GALNT17: variants seen among roughly 807,000 people sequenced by gnomAD.
The protein encoded by GALNT17 is polypeptide N-acetylgalactosaminyltransferase 17, also known as UDP-GalNAc:polypeptide N-acetylgalactosaminyltransferase-like 3.
GALNT17 carries 29 observed loss-of-function variants against 63.7 expected under a neutral mutation model. The ratio of observed to expected loss-of-function variants is 0.46; its 90% CI spans 0.34 to 0.62. The LOEUF (loss-of-function observed/expected upper bound fraction) is 0.62, where lower values mean the gene tolerates loss of function less well. GALNT17 is among the 20% of genes least tolerant of loss of function. The pLI is 0.01. For missense variants in GALNT17, 603 were observed against 799.6 expected, an observed-to-expected ratio of 0.75 and a Z score of 2.97; for synonymous variants, 305 against 318.3, an observed-to-expected ratio of 0.96 and a Z score of 0.45.
At chr7:71,548,280 G>A (rs1329601707) in intron 5 of GALNT17, among the ~76,000 whole-genome samples, 2 of 151,146 alleles carry the variant, frequency 1.3e-5, no homozygotes, top group African/African-American at 4.9e-5. Flanking sequence ...TGGGTGCTTT[G>A]TTCATCTCTT....
intron 1 of GALNT17, among the ~76,000 whole-genome samples, chr7:71,170,870 C>T (rs75893614): frequency 0.048 from 7,292 of 152,166 alleles, 252 homozygotes; most frequent in Non-Finnish European, 0.071. Context: ...AAACAAATGC[C>T]ATTTTACTTT....
At chr7:71,539,707 C>CTTTTTTTTTTTTTTTT (rs71089953) in intron 5 of GALNT17, among the ~76,000 whole-genome samples, 3 of 71,442 alleles carry the variant, frequency 4.2e-5, no homozygotes, top group African/African-American at 1.2e-4. Flanking sequence ...TTAGTCCCAC[C>CTTTTTTTTTTTTTTTT]TTTTTTTTTT....
intron 1 of GALNT17, among the ~76,000 whole-genome samples, chr7:71,192,704 A>C (rs560866869): frequency 6.6e-6 from 1 of 152,194 alleles, no homozygotes; most frequent in African/African-American, 2.4e-5. Context: ...CCCTATATTT[A>C]ACTCTTAACT....
At chr7:71,149,793 C>G (rs537676720) in intron 1 of GALNT17, among the ~76,000 whole-genome samples, 82 of 152,344 alleles carry the variant, frequency 5.4e-4, no homozygotes, top group African/African-American at 1.9e-3. Flanking sequence ...CAGCAAGCCT[C>G]AGGCAAGTTT....
At chr7:71,551,935 T>G (rs1460943959) in intron 5 of GALNT17, among the ~76,000 whole-genome samples, 1 of 152,134 alleles carries the variant, frequency 6.6e-6, no homozygotes, top group East Asian at 1.9e-4. Context: ...GGTGTGAGAT[T>G]TTCTGGGCTT....
At chr7:71,377,085 C>CAAAAAAAAAA (rs34111153) in intron 2 of GALNT17, among the ~76,000 whole-genome samples, 5 of 18,546 alleles carry the variant, frequency 2.7e-4, no homozygotes, top group Non-Finnish European at 4.8e-4. Context: ...TATTCCATCT[C>CAAAAAAAAAA]AAAAAAAAAA....
chr7:71,281,508 T>G (rs1790776170), intron 1 of GALNT17, among the ~76,000 whole-genome samples: 1 of 152,240 alleles, frequency 6.6e-6, no homozygotes, highest in African/African-American at 2.4e-5. Flanking sequence ...TGGATTTGTT[T>G]CTCATGTGCT....
chr7:71,296,543 G>C (rs1791082188), intron 1 of GALNT17, among the ~76,000 whole-genome samples: 1 of 151,832 alleles, frequency 6.6e-6, no homozygotes, highest in African/African-American at 2.4e-5. Flanking sequence ...TTGAACCCAG[G>C]AGGCGGAGGT....
At chr7:71,141,656 T>C (rs1486019284) in intron 1 of GALNT17, among the ~76,000 whole-genome samples, 2 of 151,092 alleles carry the variant, frequency 1.3e-5, no homozygotes, top group Admixed American at 6.6e-5. Flanking sequence ...ACTCAGGAGA[T>C]GTTTCTTTTT....
intron 5 of GALNT17, among the ~76,000 whole-genome samples, chr7:71,469,709 T>C (rs1787596722): frequency 6.6e-6 from 1 of 152,236 alleles, no homozygotes; most frequent in Non-Finnish European, 1.5e-5. Flanking sequence ...CAGCTCACTA[T>C]GGACAGAGAA....
chr7:71,148,860 T>TTATATATATATATATATATA (rs59163644), intron 1 of GALNT17, among the ~76,000 whole-genome samples: 60 of 103,218 alleles, frequency 5.8e-4, no homozygotes, highest in African/African-American at 9.8e-4. Flanking sequence ...TATGGTATTT[T>TTATATATATATATATATATA]TATATATATA....
intron 1 of GALNT17, among the ~76,000 whole-genome samples, chr7:71,229,391 A>C (rs1789744873): frequency 6.6e-6 from 1 of 152,170 alleles, no homozygotes; most frequent in African/African-American, 2.4e-5. Flanking sequence ...GGTGAGACCA[A>C]GATGGCCCCG....
At chr7:71,670,908 G>A (rs1791060396) in intron 8 of GALNT17, among the ~76,000 whole-genome samples, 1 of 151,660 alleles carries the variant, frequency 6.6e-6, no homozygotes, top group Non-Finnish European at 1.5e-5. Flanking sequence ...GTGTGCGTGT[G>A]TGTGTGTGCA....
chr7:71,387,887 C>G (rs1274801948), intron 2 of GALNT17, among the ~76,000 whole-genome samples: 1 of 152,136 alleles, frequency 6.6e-6, no homozygotes, highest in Non-Finnish European at 1.5e-5. Flanking sequence ...GCACTCAAAC[C>G]TTTGTTTCAG....
chr7:71,556,368 G>A (rs561269492), intron 5 of GALNT17, among the ~76,000 whole-genome samples: 2 of 152,266 alleles, frequency 1.3e-5, no homozygotes, highest in African/African-American at 4.8e-5. Flanking sequence ...AATTTCTCTT[G>A]GGTCTTAGTG....
At chr7:71,672,058 G>A (rs1791079723) in intron 8 of GALNT17, among the ~76,000 whole-genome samples, 1 of 148,824 alleles carries the variant, frequency 6.7e-6, no homozygotes, top group Admixed American at 6.7e-5. Context: ...AATGGTACCT[G>A]GCACACAACA....
intron 5 of GALNT17, 41 bp from the exon 6 acceptor site, chr7:71,571,244 C>T: frequency 1.3e-6 from 2 of 1,579,322 alleles, no homozygotes; most frequent in Non-Finnish European, 1.7e-6. Flanking sequence ...GCTTCTGGCA[C>T]TGACACCTCA....
At chr7:71,298,571 T>C (rs765880492) in intron 1 of GALNT17, among the ~76,000 whole-genome samples, 12 of 152,146 alleles carry the variant, frequency 7.9e-5, no homozygotes, top group Admixed American at 2.0e-4. Context: ...AGCTGACACT[T>C]GCGGGCAGCT....
At chr7:71,198,717 G>A (rs1362037931) in intron 1 of GALNT17, among the ~76,000 whole-genome samples, 5 of 152,178 alleles carry the variant, frequency 3.3e-5, no homozygotes, top group Admixed American at 6.5e-5. Flanking sequence ...TGGTGTGGCC[G>A]AACATTCAGA....
Sources: allele counts gnomAD v4.1 joint callset (sites outside exome capture counted in the v4.1 genomes callset), GRCh38; gene constraint gnomAD v4.1.1; transcripts MANE v1.5; gene names NCBI Gene and HGNC (gene_info 2026-07-23, HGNC 2026-07-21).